RGS6: variants seen among roughly 807,000 people sequenced by gnomAD.
RGS6 encodes the protein regulator of G protein signaling 6.
RGS6 carries 30 observed loss-of-function variants against 78.5 expected under a neutral mutation model. That is an observed-to-expected ratio of 0.38 (90% CI 0.29 to 0.52). The LOEUF (loss-of-function observed/expected upper bound fraction) is 0.52. RGS6 is among the 20% of genes least tolerant of loss of function. The probability of loss-of-function intolerance (pLI) is 0.85; values close to 1 mark genes in which losing one functional copy is unlikely to be tolerated. For synonymous variants in RGS6, 206 were observed against 206.0 expected (o/e 1.00, Z 0.00); for missense variants, 495 against 609.7 (o/e 0.81, Z 1.98).
chr14:72,547,225 T>G, intron 17 of RGS6: 2 of 1,535,478 alleles, frequency 1.3e-6, no homozygotes, highest in Non-Finnish European at 1.7e-6. Flanking sequence ...AGAAAGAGCA[T>G]CCAATGGCAG....
chr14:72,192,993 TTTC>T, intron 2 of RGS6, among the ~76,000 whole-genome samples: 1 of 151,418 alleles, frequency 6.6e-6, no homozygotes. Flanking sequence ...TTTTTTTTTT[TTTC>T]TTTCTTTTTT....
chr14:72,061,386 C>A (rs1013780906), intron 2 of RGS6, among the ~76,000 whole-genome samples: 2 of 152,098 alleles, frequency 1.3e-5, no homozygotes, highest in African/African-American at 4.8e-5. Flanking sequence ...AGAGAAGTGT[C>A]CTTACACTCA....
intron 2 of RGS6, among the ~76,000 whole-genome samples, chr14:71,989,128 T>C (rs2094846476): frequency 6.6e-6 from 1 of 152,236 alleles, no homozygotes; most frequent in Non-Finnish European, 1.5e-5. Flanking sequence ...GTGCCAGGCA[T>C]TGGGCCAGTG....
chr14:72,271,242 T>C (rs1447002638), intron 2 of RGS6, among the ~76,000 whole-genome samples: 2 of 152,182 alleles, frequency 1.3e-5, no homozygotes, highest in Non-Finnish European at 2.9e-5. Flanking sequence ...CAGTTCCACA[T>C]GGCTGGGGAG....
the RGS6 span, among the ~76,000 whole-genome samples, chr14:71,916,911 T>C: frequency 6.6e-6 from 1 of 152,210 alleles, no homozygotes; most frequent in Admixed American, 6.5e-5. Flanking sequence ...AGCTGATTCC[T>C]AGGTGAGGAC....
intron 17 of RGS6, 100 bp downstream of exon 17, chr14:72,540,194 G>A (rs1382672133): frequency 3.4e-6 from 5 of 1,478,550 alleles, no homozygotes; most frequent in African/African-American, 1.4e-5. Context: ...TGTTTCCTTT[G>A]GGGTGGGAGG....
intron 2 of RGS6, among the ~76,000 whole-genome samples, chr14:72,159,346 G>A (rs1001001515): frequency 6.6e-6 from 1 of 152,170 alleles, no homozygotes; most frequent in Non-Finnish European, 1.5e-5. Flanking sequence ...GATGGCCTCC[G>A]GGCAGAGTGT....
At chr14:72,110,153 T>C (rs2095721928) in intron 2 of RGS6, among the ~76,000 whole-genome samples, 1 of 152,260 alleles carries the variant, frequency 6.6e-6, no homozygotes, top group Admixed American at 6.5e-5. Flanking sequence ...GATAACTTGC[T>C]GTATTCCAGA....
In RGS6 at chr14:71,982,115, G is replaced by A. The variant is rs1440349225; in HGVS notation, c.84+17240G>A. Among the ~76,000 whole-genome samples the A allele has an allele frequency of 8.5e-5, 13 of 152,072 alleles. 1 individual carries two copies. Among genetic ancestry groups the A allele is most frequent in the Non-Finnish European group, 1.8e-4 (12 of 67,990 alleles). On this transcript the variant is annotated intron_variant, in intron 2 of 17. Transcript: ENST00000553525. Reference sequence around the variant, plus strand: ...AACTCCCTGACCCCTTGCGCTTCCCGAGTGAGGCAACGCCTCGCCCTGCTT... The same window carrying A: ...AACTCCCTGACCCCTTGCGCTTCCCAAGTGAGGCAACGCCTCGCCCTGCTT...
intron 2 of RGS6, among the ~76,000 whole-genome samples, chr14:72,148,587 A>G (rs535751463): frequency 4.6e-5 from 7 of 152,128 alleles, no homozygotes; most frequent in Non-Finnish European, 1.0e-4. Flanking sequence ...TGGACCCCTT[A>G]AAGAAAGAGA....
chr14:72,358,140 C>A (rs2080731239), intron 3 of RGS6, among the ~76,000 whole-genome samples: 1 of 152,188 alleles, frequency 6.6e-6, no homozygotes, highest in African/African-American at 2.4e-5. Flanking sequence ...GTTTGGGAAC[C>A]TCCATCTTGA....
At chr14:72,509,385 A>AC (rs1173166755) in intron 13 of RGS6, among the ~76,000 whole-genome samples, 4 of 150,398 alleles carry the variant, frequency 2.7e-5, no homozygotes, top group Admixed American at 1.3e-4. Flanking sequence ...AAAAAAAAAG[A>AC]CCTGGTGCCC....
intron 2 of RGS6, among the ~76,000 whole-genome samples, chr14:72,017,132 C>G (rs1370906911): frequency 6.6e-6 from 1 of 152,120 alleles, no homozygotes; most frequent in Admixed American, 6.5e-5. Context: ...CTCCTGGGCT[C>G]AAGTGACCCT....
chr14:71,980,654 T>A (rs1283932990), intron 2 of RGS6, among the ~76,000 whole-genome samples: 2 of 82,862 alleles, frequency 2.4e-5, no homozygotes, highest in African/African-American at 1.1e-4. Flanking sequence ...TGGGCTTCCC[T>A]TTGAGGGTAA....
chr14:72,219,479 T>G (rs1220796906), intron 2 of RGS6, among the ~76,000 whole-genome samples: 1 of 152,164 alleles, frequency 6.6e-6, no homozygotes, highest in Non-Finnish European at 1.5e-5. Flanking sequence ...ACTAGTGAAG[T>G]TCAGCCTATT....
intron 2 of RGS6, among the ~76,000 whole-genome samples, chr14:72,265,046 A>G (rs1337610210): frequency 1.3e-5 from 2 of 152,228 alleles, no homozygotes; most frequent in African/African-American, 4.8e-5. Context: ...ATGAGCTGTT[A>G]TCAATGTGGG....
At chr14:72,622,304 G>C in the RGS6 span, among the ~76,000 whole-genome samples, 8 of 151,990 alleles carry the variant, frequency 5.3e-5, no homozygotes, top group Non-Finnish European at 8.8e-5. Flanking sequence ...GACAGGCAGA[G>C]AAAAAAAGAC....
At chr14:71,891,548 G>A in the RGS6 span, among the ~76,000 whole-genome samples, 179 of 152,250 alleles carry the variant, frequency 1.2e-3, no homozygotes, top group African/African-American at 4.2e-3. Flanking sequence ...AAAACTAAAT[G>A]GAAGCTAAAA....
intron 12 of RGS6, among the ~76,000 whole-genome samples, chr14:72,493,404 AAAAT>A (rs2096603932): frequency 1.3e-5 from 2 of 152,202 alleles, no homozygotes; most frequent in South Asian, 2.1e-4. Flanking sequence ...TCAAAATTAA[AAAAT>A]AAATAAATAG....
Sources: gnomAD v4.1 joint callset for allele counts (sites outside exome capture counted in the v4.1 genomes callset) on GRCh38, gnomAD v4.1.1 for gene constraint, MANE v1.5 for transcripts, NCBI Gene and HGNC (gene_info 2026-07-23, HGNC 2026-07-21) for gene names.